RBFOX1: variants seen among roughly 807,000 people sequenced by gnomAD.
RBFOX1 encodes the protein RNA binding fox-1 homolog 1, also known as RNA binding protein fox-1 homolog 1.
In RBFOX1, 8 loss-of-function variants were observed where a neutral mutation model predicts 57.7. The observed-to-expected ratio is 0.14, with a 90% CI of 0.08 to 0.25. The LOEUF (loss-of-function observed/expected upper bound fraction) is 0.25, where lower values mean the gene tolerates loss of function less well. RBFOX1 is among the 10% of genes least tolerant of loss of function. The pLI is 1.00. For missense variants in RBFOX1, 611 were observed against 548.5 expected (o/e 1.11, Z -1.14); for synonymous variants, 326 against 222.4 (o/e 1.47, Z -4.15).
At chr16:7,675,767 G>A (rs933651031) in intron 13 of RBFOX1, among the ~76,000 whole-genome samples, 5 of 152,066 alleles carry the variant, frequency 3.3e-5, no homozygotes, top group African/African-American at 7.2e-5. Context: ...CCCCTTTATG[G>A]TGATGGTGAG....
intron 2 of RBFOX1, among the ~76,000 whole-genome samples, chr16:6,456,998 A>T (rs1456856297): frequency 3.9e-5 from 6 of 152,196 alleles, no homozygotes. Flanking sequence ...TTAAGTAGGC[A>T]GCTGAGTATA....
chr16:5,522,819 C>T (rs2044073255), intron 2 of RBFOX1, among the ~76,000 whole-genome samples: 1 of 152,194 alleles, frequency 6.6e-6, no homozygotes, highest in Non-Finnish European at 1.5e-5. Flanking sequence ...TGGCTTATTT[C>T]ACTGAACATA....
chr16:5,604,441 C>A (rs2047488683), downstream of RBFOX1, among the ~76,000 whole-genome samples: 1 of 152,246 alleles, frequency 6.6e-6, no homozygotes, highest in Non-Finnish European at 1.5e-5. Context: ...AAGATGCAGG[C>A]CCTCAGACCC....
At chr16:5,242,962 A>T (rs1472181258) in intron 1 of RBFOX1, among the ~76,000 whole-genome samples, 1 of 128,882 alleles carries the variant, frequency 7.8e-6, no homozygotes, top group Non-Finnish European at 1.6e-5. Context: ...GCTGCAGGGC[A>T]TGTGATTATG....
chr16:6,983,884 G>C (rs2089603638), intron 3 of RBFOX1: 1 of 152,396 alleles, frequency 6.6e-6, no homozygotes, highest in African/African-American at 2.4e-5. Context: ...TCTTGGACAA[G>C]GTGTTGTGTG....
At chr16:5,594,934 C>G (rs2047131705) in intron 2 of RBFOX1, among the ~76,000 whole-genome samples, 1 of 141,948 alleles carries the variant, frequency 7.0e-6, no homozygotes, top group East Asian at 2.0e-4. Flanking sequence ...GAGTTGGAGA[C>G]CAGCCTGGCC....
At chr16:6,752,216 C>G (rs76462517) in intron 3 of RBFOX1, among the ~76,000 whole-genome samples, 1 of 152,112 alleles carries the variant, frequency 6.6e-6, no homozygotes, top group Non-Finnish European at 1.5e-5. Flanking sequence ...CATCAGGCAA[C>G]ATTAAGATAG....
At chr16:5,486,408 G>C (rs962741825) in intron 2 of RBFOX1, among the ~76,000 whole-genome samples, 1 of 152,176 alleles carries the variant, frequency 6.6e-6, no homozygotes, top group Admixed American at 6.5e-5. Flanking sequence ...ATGAAGACTT[G>C]CTTTCCCAGC....
chr16:6,181,541 G>A (rs1238623043), intron 1 of RBFOX1, among the ~76,000 whole-genome samples: 1 of 152,092 alleles, frequency 6.6e-6, no homozygotes, highest in African/African-American at 2.4e-5. Flanking sequence ...TATTTTTCAC[G>A]TGAACTTGCA....
chr16:7,317,318 A>C (rs909899499), intron 4 of RBFOX1, among the ~76,000 whole-genome samples: 1 of 152,146 alleles, frequency 6.6e-6, no homozygotes, highest in Non-Finnish European at 1.5e-5. Context: ...GTCAGGTGGC[A>C]CTGACCTGGG....
chr16:7,425,265 G>A (rs906332006), intron 4 of RBFOX1, among the ~76,000 whole-genome samples: 1 of 152,198 alleles, frequency 6.6e-6, no homozygotes, highest in African/African-American at 2.4e-5. Flanking sequence ...CTGAATGAGA[G>A]AAGTGGGGTT....
At chr16:5,838,143 C>T (rs1457405341) in intron 3 of RBFOX1, 2 of 155,006 alleles carry the variant, frequency 1.3e-5, no homozygotes, top group African/African-American at 4.8e-5. Context: ...TGAAAGAATA[C>T]AACACCAGAA....
At chr16:7,113,601 T>C (rs958605467) in intron 4 of RBFOX1, among the ~76,000 whole-genome samples, 15 of 152,228 alleles carry the variant, frequency 9.9e-5, no homozygotes, top group Middle Eastern at 3.2e-3. Flanking sequence ...ATGCAAATTA[T>C]TATGTTAGCA....
chr16:6,767,621 G>A (rs886609328), intron 3 of RBFOX1, among the ~76,000 whole-genome samples: 2 of 152,088 alleles, frequency 1.3e-5, no homozygotes, highest in Admixed American at 6.5e-5. Context: ...TCATCCCTAA[G>A]AAATTATGGA....
chr16:5,767,480 C>A lies in RBFOX1; in HGVS notation c.319-99823C>A, dbSNP rs140048029. Among the ~76,000 whole-genome samples, 349 of 152,224 alleles carry A rather than the reference C, an allele frequency of 2.3e-3. 5 individuals are homozygous for A. Among genetic ancestry groups the A allele is most frequent in the African/African-American group, 7.7e-3 (319 of 41,530 alleles). On this transcript the variant is annotated intron_variant, in intron 3 of 19. Transcript: ENST00000641259. ...CCTGAAGGTAATGTGGATAGAAAGG[C>A]ATGAAGCATGTGTGTATGGGTTCAG...
chr16:6,684,059 G>C (rs781525971), intron 3 of RBFOX1, among the ~76,000 whole-genome samples: 4 of 152,150 alleles, frequency 2.6e-5, no homozygotes, highest in Non-Finnish European at 4.4e-5. Flanking sequence ...CCTCAAATTT[G>C]TTTGCATCTC....
chr16:6,537,897 G>T (rs921796864), intron 2 of RBFOX1, among the ~76,000 whole-genome samples: 1 of 151,482 alleles, frequency 6.6e-6, no homozygotes, highest in Non-Finnish European at 1.5e-5. Flanking sequence ...AGTAATTATA[G>T]CTGAATGGAA....
chr16:6,535,195 T>G (rs2096718366), intron 2 of RBFOX1, among the ~76,000 whole-genome samples: 1 of 152,166 alleles, frequency 6.6e-6, no homozygotes, highest in Admixed American at 6.5e-5. Flanking sequence ...AAGTCTCATG[T>G]CCTGGGAAAA....
rs140803131 is a variant in RBFOX1, at chr16:6,655,307, G to C, written c.-16+657G>C. On this transcript the variant is annotated intron_variant, in intron 3 of 15. Coordinates refer to ENST00000550418, the MANE Select transcript of RBFOX1 (RefSeq NM_018723.4). ...GAGAATCACTTGATCCTTGGAGGTGGAGACTGCAGTGAGCCAAAATTGCAC... is the reference window on the plus strand; with the variant it reads ...GAGAATCACTTGATCCTTGGAGGTGCAGACTGCAGTGAGCCAAAATTGCAC... Among the ~76,000 whole-genome samples the C allele has an allele frequency of 1.8e-4, 25 of 139,222 alleles. No homozygotes were observed. In the East Asian group the frequency reaches 5.4e-3, roughly 30 times the overall value. The allele number at this position is 139,222 out of a possible 152,430, so 91.3% of individuals were successfully genotyped here. A position where few individuals can be genotyped will look rare whatever the true frequency, so the allele number is the denominator to read the frequency against.
Sources: allele counts gnomAD v4.1 joint callset (sites outside exome capture counted in the v4.1 genomes callset), GRCh38; gene constraint gnomAD v4.1.1; transcripts MANE v1.5; gene names NCBI Gene and HGNC (gene_info 2026-07-23, HGNC 2026-07-21).